OR2L13: variants seen among roughly 807,000 people sequenced by gnomAD.
OR2L13 encodes olfactory receptor family 2 subfamily L member 13.
A neutral mutation model predicts 15.3 loss-of-function variants in OR2L13; 14 were observed. That is an observed-to-expected ratio of 0.91 (90% confidence interval 0.60 to 1.43). The LOEUF (loss-of-function observed/expected upper bound fraction) is 1.43. OR2L13 is among the 40% of genes most tolerant of loss of function. OR2L13 has a pLI of 0.00. For synonymous variants in OR2L13, 152 were observed against 142.9 expected, an observed-to-expected ratio of 1.06 and a Z score of -0.45; for missense variants, 367 against 387.9, an observed-to-expected ratio of 0.95 and a Z score of 0.45.
the OR2L13 span, among the ~76,000 whole-genome samples, chr1:248,082,107 G>C: frequency 3.4e-5 from 5 of 148,376 alleles, no homozygotes; most frequent in South Asian, 1.1e-3. Flanking sequence ...GTCCAACAAT[G>C]ATAGACTGGA....
At chr1:248,038,846 C>G in the OR2L13 span, 1 of 1,614,124 alleles carries the variant, frequency 6.2e-7, no homozygotes, top group East Asian at 2.2e-5. Flanking sequence ...ACACTTGGGT[C>G]TATGAGAGCA....
chr1:248,060,922 G>A, the OR2L13 span: 2 of 1,613,884 alleles, frequency 1.2e-6, no homozygotes, highest in South Asian at 2.2e-5. Context: ...TCCTAAGATG[G>A]CATCTGATTT....
the OR2L13 span, among the ~76,000 whole-genome samples, chr1:247,972,068 C>T: frequency 6.6e-6 from 1 of 152,070 alleles, no homozygotes; most frequent in African/African-American, 2.4e-5. Flanking sequence ...TGTTTGAAAC[C>T]AGTGAGAACA....
At chr1:247,975,679 A>G in the OR2L13 span, 136 of 954,400 alleles carry the variant, frequency 1.4e-4, no homozygotes, top group African/African-American at 2.0e-3. Flanking sequence ...TCTGCCTTAG[A>G]GTCCAAGCAC....
the OR2L13 span, among the ~76,000 whole-genome samples, chr1:248,052,545 G>A: frequency 9.2e-5 from 14 of 152,060 alleles, no homozygotes; most frequent in Non-Finnish European, 2.1e-4. Context: ...TGGCTAACAT[G>A]GTGAAACCCC....
the OR2L13 span, among the ~76,000 whole-genome samples, chr1:248,056,666 AG>A: frequency 1.9e-5 from 2 of 105,444 alleles, no homozygotes; most frequent in Non-Finnish European, 3.9e-5. Context: ...TGTGGTTTTG[AG>A]GGGGCTTTTT....
chr1:248,053,426 T>C, the OR2L13 span, among the ~76,000 whole-genome samples: 20 of 152,356 alleles, frequency 1.3e-4, 1 homozygote, highest in East Asian at 3.7e-3. Context: ...CACATGCCAG[T>C]ACCTTTATAA....
At chr1:248,090,111 C>G in the OR2L13 span, among the ~76,000 whole-genome samples, 341 of 152,198 alleles carry the variant, frequency 2.2e-3, 3 homozygotes, top group African/African-American at 8.1e-3. Context: ...TCCTTGCTTG[C>G]CCCCCTGTAA....
chr1:248,035,179 G>T, the OR2L13 span, among the ~76,000 whole-genome samples: 1 of 151,778 alleles, frequency 6.6e-6, no homozygotes, highest in South Asian at 2.1e-4. Flanking sequence ...GGCCAGGCAC[G>T]GTGGCTCATG....
At chr1:248,021,968 G>T in the OR2L13 span, 2 of 1,613,118 alleles carry the variant, frequency 1.2e-6, no homozygotes, top group African/African-American at 2.7e-5. Flanking sequence ...ACAATCAAAC[G>T]TCAACTGATT....
chr1:248,006,178 A>G, the OR2L13 span, among the ~76,000 whole-genome samples: 1 of 150,588 alleles, frequency 6.6e-6, no homozygotes, highest in Non-Finnish European at 1.5e-5. Flanking sequence ...ATTACTACCA[A>G]TCTGAGCCCA....
the OR2L13 span, among the ~76,000 whole-genome samples, chr1:248,031,503 T>C: frequency 6.6e-6 from 1 of 152,176 alleles, no homozygotes; most frequent in Admixed American, 6.5e-5. Context: ...CAGGGTCTTT[T>C]AATGGGGTCT....
the OR2L13 span, among the ~76,000 whole-genome samples, chr1:248,017,766 A>T: frequency 6.6e-6 from 1 of 152,064 alleles, no homozygotes; most frequent in East Asian, 1.9e-4. Context: ...AGTGGGATGG[A>T]GTTCTGGGGT....
At chr1:248,075,640 A>G in the OR2L13 span, among the ~76,000 whole-genome samples, 533 of 152,288 alleles carry the variant, frequency 3.5e-3, 1 homozygote, top group Non-Finnish European at 6.4e-3. Flanking sequence ...TTTTGGCTGC[A>G]TAGATGTCTT....
the OR2L13 span, among the ~76,000 whole-genome samples, chr1:248,064,768 G>A: frequency 2.0e-5 from 3 of 152,130 alleles, no homozygotes; most frequent in Non-Finnish European, 2.9e-5. Flanking sequence ...TGGCATCATT[G>A]AAGTCCCACC....
the OR2L13 span, among the ~76,000 whole-genome samples, chr1:247,953,276 A>G: frequency 6.6e-6 from 1 of 152,152 alleles, no homozygotes; most frequent in Non-Finnish European, 1.5e-5. Flanking sequence ...TTTGTATGCA[A>G]ATGTTATGCT....
chr1:248,039,846 TTAAAG>T, the OR2L13 span: 1 of 152,234 alleles, frequency 6.6e-6, no homozygotes, highest in Non-Finnish European at 1.5e-5. Context: ...CTTCTTTTTC[TTAAAG>T]TAATGTTTTA....
chr1:248,084,688 C>A, the OR2L13 span: 6 of 1,488,222 alleles, frequency 4.0e-6, no homozygotes, highest in East Asian at 2.3e-5. Flanking sequence ...TCTTTTTTTT[C>A]ATAGAAAATT....
chr1:248,078,379 A>G, the OR2L13 span, among the ~76,000 whole-genome samples: 1 of 152,104 alleles, frequency 6.6e-6, no homozygotes, highest in Admixed American at 6.6e-5. Flanking sequence ...AGGCTGAGGC[A>G]GGAGAATCAC....
Sources: gnomAD v4.1 joint callset for allele counts (sites outside exome capture counted in the v4.1 genomes callset) on GRCh38, gnomAD v4.1.1 for gene constraint, MANE v1.5 for transcripts, NCBI Gene and HGNC (gene_info 2026-07-23, HGNC 2026-07-21) for gene names.